Variants in LINGO2 observed in about 807,000 individuals in gnomAD.
The protein encoded by LINGO2 is leucine-rich repeat and immunoglobulin-like domain-containing nogo receptor-interacting protein 2.
In LINGO2, 14 loss-of-function variants were observed where a neutral mutation model predicts 30.6. That is an observed-to-expected ratio of 0.46 (90% CI 0.30 to 0.72). The LOEUF is 0.72. Among genes scored for constraint, LINGO2 ranks in the 30% least tolerant of loss-of-function variants. LINGO2 has a pLI of 0.07. For missense variants in LINGO2, 729 were observed against 751.7 expected (o/e 0.97, Z 0.35); for synonymous variants, 317 against 288.5 (o/e 1.10, Z -1.00).
the LINGO2 span, among the ~76,000 whole-genome samples, chr9:28,745,640 A>T: frequency 6.6e-6 from 1 of 152,080 alleles, no homozygotes; most frequent in Admixed American, 6.5e-5. Flanking sequence ...ATTGTTCATT[A>T]AAAGATTGAT....
the LINGO2 span, among the ~76,000 whole-genome samples, chr9:29,138,458 T>C: frequency 1.5e-4 from 23 of 152,284 alleles, no homozygotes; most frequent in Admixed American, 1.4e-3. Context: ...TATATAGTTA[T>C]TGACTAAAGA....
intron 2 of LINGO2, among the ~76,000 whole-genome samples, chr9:28,423,945 G>A (rs1163431144): frequency 6.6e-6 from 1 of 151,974 alleles, no homozygotes; most frequent in Non-Finnish European, 1.5e-5. Flanking sequence ...TCCTAAATCA[G>A]GTTTAAATAG....
At chr9:29,029,792 G>A in the LINGO2 span, among the ~76,000 whole-genome samples, 2 of 151,906 alleles carry the variant, frequency 1.3e-5, no homozygotes, top group Non-Finnish European at 2.9e-5. Context: ...TTTCGAGCAA[G>A]TTTCTGCCTC....
At position 28,002,224 on chromosome 9, in the gene LINGO2, G is replaced by A. The variant is rs79394493; in HGVS notation, c.-36+10131C>T. ...TTTTATTGTCCACCATGAACTTACC[G>A]TCAGTGCCCAACAAATTAAATTCTC... On this transcript the variant is annotated intron_variant, in intron 5 of 5. Transcript: ENST00000379992. Among the ~76,000 whole-genome samples the A allele has an allele frequency of 7.8e-3, 1,184 of 151,988 alleles. 77 individuals are homozygous for A. The East Asian group carries it at 0.15, about 19-fold the overall frequency.
At chr9:28,723,337 C>G in the LINGO2 span, among the ~76,000 whole-genome samples, 2 of 152,130 alleles carry the variant, frequency 1.3e-5, no homozygotes, top group East Asian at 3.9e-4. Context: ...TTAAGCTCCA[C>G]CTTTAAGAGA....
intron 4 of LINGO2, among the ~76,000 whole-genome samples, chr9:28,214,190 C>G (rs1463300039): frequency 2.0e-5 from 3 of 151,470 alleles, no homozygotes; most frequent in Non-Finnish European, 4.4e-5. Context: ...CTAAACTTTG[C>G]TTGAGTAAGA....
At chr9:28,502,839 G>T (rs1819948084) in intron 1 of LINGO2, among the ~76,000 whole-genome samples, 1 of 152,000 alleles carries the variant, frequency 6.6e-6, no homozygotes, top group Admixed American at 6.6e-5. Flanking sequence ...GTACTTTCGG[G>T]AGAGTAGCAC....
intron 4 of LINGO2, among the ~76,000 whole-genome samples, chr9:28,183,481 GA>G (rs1819431806): frequency 6.6e-6 from 1 of 152,108 alleles, no homozygotes; most frequent in Non-Finnish European, 1.5e-5. Flanking sequence ...TATCATGTGT[GA>G]ATGAGATCTA....
At chr9:28,248,571 T>C (rs1053724338) in intron 4 of LINGO2, among the ~76,000 whole-genome samples, 3 of 152,128 alleles carry the variant, frequency 2.0e-5, no homozygotes, top group Non-Finnish European at 4.4e-5. Flanking sequence ...AGGGGGACTG[T>C]AGTCAATAAT....
At chr9:29,085,281 T>TAAAAAAAAAAAAAAAAAAAA in the LINGO2 span, among the ~76,000 whole-genome samples, 18 of 77,048 alleles carry the variant, frequency 2.3e-4, 1 homozygote, top group East Asian at 9.4e-4. Flanking sequence ...CTATGGTAAG[T>TAAAAAAAAAAAAAAAAAAAA]AAAAAAAAAA....
chr9:28,245,411 C>G (rs190208863), intron 4 of LINGO2, among the ~76,000 whole-genome samples: 1 of 152,242 alleles, frequency 6.6e-6, no homozygotes, highest in East Asian at 1.9e-4. Flanking sequence ...GATGTCCTCT[C>G]TCACCACTCC....
At chr9:28,609,409 T>C (rs374372929) in intron 1 of LINGO2, among the ~76,000 whole-genome samples, 6 of 151,716 alleles carry the variant, frequency 4.0e-5, no homozygotes, top group African/African-American at 1.4e-4. Context: ...TATGAATCAA[T>C]AATAAAAAGC....
At chr9:28,677,912 CTCT>C in the LINGO2 span, among the ~76,000 whole-genome samples, 52 of 152,038 alleles carry the variant, frequency 3.4e-4, 1 homozygote, top group African/African-American at 1.2e-3. Context: ...TCCTCCTTCT[CTCT>C]CACCTGCCCA....
chr9:28,132,910 A>T (rs751168496), intron 4 of LINGO2, among the ~76,000 whole-genome samples: 46 of 152,244 alleles, frequency 3.0e-4, no homozygotes, highest in Non-Finnish European at 5.7e-4. Context: ...ACCTCACATC[A>T]TTTTGAGCAG....
intron 2 of LINGO2, among the ~76,000 whole-genome samples, chr9:28,466,911 A>C (rs985171): frequency 5.3e-4 from 81 of 152,330 alleles, no homozygotes; most frequent in African/African-American, 1.9e-3. Flanking sequence ...AAACTGGTTA[A>C]AAATGACTAA....
At chr9:28,291,984 C>T (rs1823746733) in intron 4 of LINGO2, among the ~76,000 whole-genome samples, 1 of 152,056 alleles carries the variant, frequency 6.6e-6, no homozygotes, top group African/African-American at 2.4e-5. Context: ...CAGAAACAAC[C>T]AAGGCAGAAG....
chr9:28,794,357 G>A, the LINGO2 span, among the ~76,000 whole-genome samples: 1 of 152,016 alleles, frequency 6.6e-6, no homozygotes, highest in African/African-American at 2.4e-5. Context: ...GTTCTGATTG[G>A]GAAATTCTGA....
At chr9:28,002,265 A>AT (rs60874187) in intron 5 of LINGO2, among the ~76,000 whole-genome samples, 15 of 149,788 alleles carry the variant, frequency 1.0e-4, no homozygotes, top group South Asian at 2.1e-4. Context: ...CCTTCCCTCC[A>AT]TTTTTTTTTT....
At chr9:28,542,020 A>T (rs1301904676) in intron 1 of LINGO2, among the ~76,000 whole-genome samples, 2 of 152,130 alleles carry the variant, frequency 1.3e-5, no homozygotes, top group African/African-American at 4.8e-5. Context: ...ACTAAAACAG[A>T]GTTTGGGGTA....
Sources: allele counts gnomAD v4.1 joint callset (sites outside exome capture counted in the v4.1 genomes callset), GRCh38; gene constraint gnomAD v4.1.1; transcripts MANE v1.5; gene names NCBI Gene and HGNC (gene_info 2026-07-23, HGNC 2026-07-21).